The following NSMCE2 variants were observed in gnomAD, a reference collection of about 807,000 sequenced individuals.
The protein encoded by NSMCE2 is NSE2 SUMO ligase component of SMC5/6 complex, also known as E3 SUMO-protein ligase NSE2.
A neutral mutation model predicts 23.8 loss-of-function variants in NSMCE2; 24 were observed. That is an observed-to-expected ratio of 1.01 (90% CI 0.73 to 1.42). The LOEUF (loss-of-function observed/expected upper bound fraction) is 1.42. NSMCE2 is among the 40% of genes most tolerant of loss of function. The pLI is 0.00. For missense variants in NSMCE2, 284 were observed against 296.5 expected (o/e 0.96, Z 0.31); for synonymous variants, 92 against 94.1 (o/e 0.98, Z 0.13).
At chr8:125,268,403 A>C (rs1252438896) in intron 5 of NSMCE2, among the ~76,000 whole-genome samples, 1 of 152,184 alleles carries the variant, frequency 6.6e-6, no homozygotes, top group East Asian at 1.9e-4. Flanking sequence ...AAGGATCCCA[A>C]GGTTTTATCA....
At chr8:125,102,281 C>T (rs1290446327) in intron 2 of NSMCE2, 36 bp from the exon 3 acceptor site, 1 of 1,428,208 alleles carries the variant, frequency 7.0e-7, no homozygotes, top group African/African-American at 1.4e-5. Flanking sequence ...ATTATTCTGA[C>T]TTACGAATCT....
chr8:125,131,440 G>A (rs1819766170), intron 3 of NSMCE2, among the ~76,000 whole-genome samples: 2 of 152,092 alleles, frequency 1.3e-5, no homozygotes, highest in African/African-American at 4.8e-5. Context: ...ACTTCAGTAG[G>A]CAAGAGCCTA....
intron 5 of NSMCE2, among the ~76,000 whole-genome samples, chr8:125,328,337 T>A (rs905987492): frequency 3.9e-5 from 6 of 152,140 alleles, no homozygotes; most frequent in Non-Finnish European, 8.8e-5. Flanking sequence ...TAGTCTCCAT[T>A]TAAGAATCAA....
chr8:125,272,876 C>T lies in NSMCE2; in HGVS notation c.419-84343C>T, dbSNP rs544671698. Among the ~76,000 whole-genome samples, 82 of 127,448 alleles carry T rather than the reference C, an allele frequency of 6.4e-4. 7 individuals are homozygous for T. Among genetic ancestry groups the T allele is most frequent in the Middle Eastern group, 4.4e-3 (1 of 228 alleles). 83.6% of individuals were successfully genotyped at this position (127,448 alleles called of 152,430 possible). On this transcript the variant is annotated intron_variant, in intron 5 of 7. Coordinates refer to ENST00000287437, the MANE Select transcript of NSMCE2 (RefSeq NM_173685.4). ...ACACACATATATATACACACGTATA[C>T]GTGTGTGTATATATATATAAAAGGC...
intron 5 of NSMCE2, among the ~76,000 whole-genome samples, chr8:125,295,801 C>A (rs966678127): frequency 6.6e-6 from 1 of 152,102 alleles, no homozygotes. Context: ...AGCTGGATTT[C>A]TTTCTTTGTT....
intron 5 of NSMCE2, among the ~76,000 whole-genome samples, chr8:125,216,634 C>CAAAA (rs35656783): frequency 3.1e-5 from 4 of 130,612 alleles, no homozygotes; most frequent in African/African-American, 8.2e-5. Context: ...GGCTGTGTGT[C>CAAAA]AAAAAAAAAA....
At chr8:125,296,694 C>A (rs1386138577) in intron 5 of NSMCE2, among the ~76,000 whole-genome samples, 1 of 152,156 alleles carries the variant, frequency 6.6e-6, no homozygotes, top group African/African-American at 2.4e-5. Context: ...CCGCACCCGG[C>A]CTGCTGTGGT....
chr8:125,186,586 C>T (rs992765009), intron 5 of NSMCE2, among the ~76,000 whole-genome samples: 7 of 152,008 alleles, frequency 4.6e-5, no homozygotes, highest in Non-Finnish European at 8.8e-5. Flanking sequence ...CCATTAATAA[C>T]AAATATCAAC....
chr8:125,168,971 T>C (rs144716020), intron 4 of NSMCE2, among the ~76,000 whole-genome samples: 1 of 152,088 alleles, frequency 6.6e-6, no homozygotes, highest in Non-Finnish European at 1.5e-5. Flanking sequence ...TTTGTGTAGA[T>C]GAGGAAGCTA....
chr8:125,098,483 T>A (rs1233601558), intron 1 of NSMCE2, among the ~76,000 whole-genome samples: 1 of 152,146 alleles, frequency 6.6e-6, no homozygotes, highest in African/African-American at 2.4e-5. Flanking sequence ...AAAGGTTTAC[T>A]CTGGCTGCTG....
At chr8:125,166,835 T>G (rs557281467) in intron 4 of NSMCE2, among the ~76,000 whole-genome samples, 1 of 152,204 alleles carries the variant, frequency 6.6e-6, no homozygotes, top group African/African-American at 2.4e-5. Flanking sequence ...CCATCTCCAT[T>G]CTCCTCCGAA....
In NSMCE2 at chr8:125,104,306, A is replaced by G. The variant is rs1254467733; in HGVS notation, c.157+1819A>G. On this transcript the variant is annotated intron_variant, in intron 3 of 7. Transcript: ENST00000287437. ...TGCCCAGCTTGTTGTCCTCTTTTAA[A>G]TAGTGTTGGAGTTTGTTTGGTGTGC... 2.0e-5 allele frequency among the ~76,000 whole-genome samples: 3 copies of G among 152,236 alleles called. No homozygotes were observed. In the East Asian group the frequency reaches 5.8e-4, roughly 29 times the overall value.
chr8:125,238,340 T>C (rs997259791), intron 5 of NSMCE2, among the ~76,000 whole-genome samples: 4 of 152,156 alleles, frequency 2.6e-5, no homozygotes, highest in African/African-American at 9.7e-5. Flanking sequence ...ATGTAAGTTA[T>C]AGAAAAAAAT....
At chr8:125,210,590 G>C (rs1052370299) in intron 5 of NSMCE2, among the ~76,000 whole-genome samples, 2 of 152,046 alleles carry the variant, frequency 1.3e-5, no homozygotes, top group Non-Finnish European at 2.9e-5. Flanking sequence ...TTCTCTTTCT[G>C]GTCCATCTTA....
intron 5 of NSMCE2, among the ~76,000 whole-genome samples, chr8:125,257,054 C>T (rs1159204262): frequency 6.8e-6 from 1 of 147,206 alleles, no homozygotes; most frequent in South Asian, 2.1e-4. Flanking sequence ...GAAACCTAAG[C>T]GGGCAGATCA....
At chr8:125,214,238 A>T (rs891751088) in intron 5 of NSMCE2, among the ~76,000 whole-genome samples, 3 of 152,228 alleles carry the variant, frequency 2.0e-5, no homozygotes, top group Non-Finnish European at 4.4e-5. Flanking sequence ...AAGGGTCAAT[A>T]GCAGGCCAGT....
chr8:125,116,885 C>CTTTT (rs35636109), intron 3 of NSMCE2, among the ~76,000 whole-genome samples: 6 of 129,540 alleles, frequency 4.6e-5, no homozygotes, highest in East Asian at 2.1e-4. Context: ...AAGCATATAA[C>CTTTT]TTTTTTTTTT....
chr8:125,123,737 C>T (rs1433939610), intron 3 of NSMCE2, among the ~76,000 whole-genome samples: 1 of 152,192 alleles, frequency 6.6e-6, no homozygotes, highest in Non-Finnish European at 1.5e-5. Flanking sequence ...TGCAATTTTG[C>T]TGTAATGAAA....
chr8:125,316,672 TTCC>T, intron 5 of NSMCE2, among the ~76,000 whole-genome samples: 1 of 149,038 alleles, frequency 6.7e-6, no homozygotes, highest in Non-Finnish European at 1.5e-5. Context: ...CCTTCCTTCT[TTCC>T]TTCCTTCTTA....
Sources: allele counts gnomAD v4.1 joint callset (sites outside exome capture counted in the v4.1 genomes callset), GRCh38; gene constraint gnomAD v4.1.1; transcripts MANE v1.5; gene names NCBI Gene and HGNC (gene_info 2026-07-23, HGNC 2026-07-21).